ALOX5: variants seen among roughly 807,000 people sequenced by gnomAD.
ALOX5 encodes polyunsaturated fatty acid 5-lipoxygenase.
ALOX5 carries 64 observed loss-of-function variants against 87.9 expected under a neutral mutation model. The observed-to-expected ratio is 0.73, with a 90% CI of 0.60 to 0.90. ALOX5 has a LOEUF of 0.90. Ranked by LOEUF, ALOX5 falls within the 40% of genes least tolerant of loss-of-function variation. The pLI is 0.00. For missense variants in ALOX5, 822 were observed against 907.5 expected, an observed-to-expected ratio of 0.91 and a Z score of 1.21; for synonymous variants, 388 against 355.1, an observed-to-expected ratio of 1.09 and a Z score of -1.04.
intron 1 of ALOX5, among the ~76,000 whole-genome samples, chr10:45,380,606 G>T (rs149745800): frequency 3.3e-5 from 5 of 152,314 alleles, no homozygotes; most frequent in African/African-American, 1.2e-4. Flanking sequence ...AGGTTCTGCC[G>T]CCAGGGATAA....
intron 10 of ALOX5, 92 bp downstream of exon 10, chr10:45,443,308 G>A (rs1231878853): frequency 1.9e-6 from 3 of 1,580,548 alleles, no homozygotes; most frequent in Non-Finnish European, 1.7e-6. Flanking sequence ...CGCTAGCGCT[G>A]AATGGGGACG....
chr10:45,442,678 C>T (rs1168688451), intron 9 of ALOX5: 3 of 239,984 alleles, frequency 1.3e-5, no homozygotes, highest in Non-Finnish European at 2.4e-5. Context: ...GACTGAGGGT[C>T]GTGTGCTCAG....
At chr10:45,406,267 C>T (rs12263894) in intron 3 of ALOX5, among the ~76,000 whole-genome samples, 1 of 152,028 alleles carries the variant, frequency 6.6e-6, no homozygotes, top group African/African-American at 2.4e-5. Context: ...TAAGTGTTGG[C>T]GAGTTTTGTA....
At chr10:45,393,683 A>G (rs1269652488) in intron 2 of ALOX5, among the ~76,000 whole-genome samples, 1 of 152,234 alleles carries the variant, frequency 6.6e-6, no homozygotes, top group East Asian at 1.9e-4. Context: ...TCCAGATGAC[A>G]TGATTGTATA....
At position 45,444,172 on chromosome 10, in the gene ALOX5, G is replaced by T. The variant is rs1421604807; in HGVS notation, c.1731G>T (p.Pro577=). The T allele has an allele frequency of 2.6e-6, 4 of 1,556,610 alleles. No homozygotes were observed. The highest frequency in any genetic ancestry group is 3.5e-6 in the Non-Finnish European group (4 of 1,150,312). ...CCCCAACCATGCGAGCCCCGCCACC[G>T]ACTGCCAAGGGCGTGGTGACCATTG... is the stretch of plus-strand genomic sequence containing the variant. The part of the protein sequence containing the change: ...NAPPTMRAPP[P]TAKGVVTIEQ... The change falls in exon 13 of 14, where the codon CCG becomes CCT. Residue 577 remains proline, a synonymous_variant. Coordinates refer to ENST00000374391, the MANE Select transcript of ALOX5 (RefSeq NM_000698.5).
rs758121727 is a variant in ALOX5, at chr10:45,441,336, C to T, written c.1186-8C>T. 8 of 1,613,164 alleles carry T rather than the reference C, an allele frequency of 5.0e-6. No individual in the cohort carries two copies. The East Asian group carries it at 6.7e-5, about 13-fold the overall frequency. On this transcript the variant is annotated splice_region_variant and splice_polypyrimidine_tract_variant and intron_variant, in intron 8 of 13. Coordinates refer to ENST00000374391, the MANE Select transcript of ALOX5 (RefSeq NM_000698.5). ...CCCCTCTGAGGCCTCCTCCTCTCCC[C>T]TCCCCAGCTGCTGGTGGCACACGTG...
chr10:45,413,292 G>T (rs934131234), intron 4 of ALOX5, among the ~76,000 whole-genome samples: 17 of 152,096 alleles, frequency 1.1e-4, no homozygotes, highest in Non-Finnish European at 1.9e-4. Context: ...TTCAACATAC[G>T]CAAATCAATA....
Position 45,445,552 on chromosome 10 carries a change from T to C in ALOX5, c.1890T>C (p.Pro630=). ...CAGAAGAGCATTTTATCGAGAAGCCTGTGAAGGAAGCCATGGCCCGATTCC... is the reference window on the plus strand; with the variant it reads ...CAGAAGAGCATTTTATCGAGAAGCCCGTGAAGGAAGCCATGGCCCGATTCC... ...MYPEEHFIEK[P]VKEAMARFRK... is the part of the protein sequence containing the mutation. The change falls in exon 14 of 14, where the codon CCT becomes CCC. Residue 630 remains proline (P), a synonymous_variant. Transcript: ENST00000374391. 6.2e-7 allele frequency: 1 copy of C among 1,614,104 alleles called. No individual in the cohort carries two copies. Among genetic ancestry groups the C allele is most frequent in the Non-Finnish European group, 8.5e-7 (1 of 1,180,012 alleles).
intron 2 of ALOX5, among the ~76,000 whole-genome samples, chr10:45,395,512 G>T (rs917233189): frequency 1.3e-5 from 2 of 151,900 alleles, no homozygotes; most frequent in Admixed American, 6.6e-5. Flanking sequence ...TGTAAATGAC[G>T]AGTTAATGGG....
chr10:45,388,923 C>T (rs533242138), intron 2 of ALOX5, among the ~76,000 whole-genome samples: 4 of 151,946 alleles, frequency 2.6e-5, no homozygotes, highest in African/African-American at 9.7e-5. Context: ...GAACCCATCG[C>T]AAAAAAAGCT....
chr10:45,399,291 G>T (rs561915184), intron 3 of ALOX5, among the ~76,000 whole-genome samples: 1 of 152,298 alleles, frequency 6.6e-6, no homozygotes, highest in Non-Finnish European at 1.5e-5. Context: ...CTAGGGGCAG[G>T]GAATGAGGAA....
rs201348617 is a variant in ALOX5, at chr10:45,395,837, G to T, written c.350-18G>T. On this transcript the variant is annotated intron_variant, in intron 2 of 13. Transcript: ENST00000374391. Reference sequence around the variant, plus strand: ...TTGTTCTTCCTCAGGCTCCTCTCATGTTGTTCTTTCTTTACAGCAAAGTTG... The same window carrying T: ...TTGTTCTTCCTCAGGCTCCTCTCATTTTGTTCTTTCTTTACAGCAAAGTTG... The T allele has an allele frequency of 1.2e-6, 2 of 1,612,408 alleles. No homozygotes were observed. The highest frequency in any genetic ancestry group is 1.7e-6 in the Non-Finnish European group (2 of 1,178,504).
intron 4 of ALOX5, among the ~76,000 whole-genome samples, chr10:45,413,156 C>T (rs1449781729): frequency 6.6e-6 from 1 of 152,138 alleles, no homozygotes; most frequent in African/African-American, 2.4e-5. Context: ...GAATTTTAGA[C>T]CAATATCCCT....
intron 11 of ALOX5, 44 bp from the exon 12 acceptor site, chr10:45,443,684 G>A: frequency 1.3e-6 from 2 of 1,597,400 alleles, no homozygotes; most frequent in South Asian, 2.2e-5. Flanking sequence ...GGGCCCTGGG[G>A]TCCTCAGGGA....
intron 3 of ALOX5, among the ~76,000 whole-genome samples, chr10:45,404,142 C>T (rs1036616660): frequency 2.6e-5 from 4 of 152,118 alleles, no homozygotes; most frequent in Admixed American, 6.5e-5. Context: ...GAGATCGTTT[C>T]CCCCTTTCTT....
chr10:45,386,503 T>C (rs1840013030), intron 2 of ALOX5, among the ~76,000 whole-genome samples: 1 of 151,350 alleles, frequency 6.6e-6, no homozygotes, highest in African/African-American at 2.4e-5. Flanking sequence ...CAAAATAAAA[T>C]ACAAAGACTC....
intron 7 of ALOX5, among the ~76,000 whole-genome samples, chr10:45,436,368 A>G (rs973697524): frequency 6.6e-6 from 1 of 152,138 alleles, no homozygotes; most frequent in African/African-American, 2.4e-5. Flanking sequence ...TTCTTCTAGA[A>G]TGTTTAAAGT....
chr10:45,441,215 A>G (rs1392900448), intron 8 of ALOX5, 129 bp from the exon 9 acceptor site: 5 of 745,736 alleles, frequency 6.7e-6, no homozygotes, highest in Non-Finnish European at 1.2e-5. Flanking sequence ...ATCAGCACCC[A>G]GCCTTCACTT....
chr10:45,437,042 T>C (rs1043669162), intron 7 of ALOX5, among the ~76,000 whole-genome samples: 4 of 152,206 alleles, frequency 2.6e-5, no homozygotes, highest in African/African-American at 9.6e-5. Context: ...CTGAACATTG[T>C]TGGTGCATAG....
Sources: gnomAD v4.1 joint callset for allele counts (sites outside exome capture counted in the v4.1 genomes callset) on GRCh38, gnomAD v4.1.1 for gene constraint, MANE v1.5 for transcripts, NCBI Gene and HGNC (gene_info 2026-07-23, HGNC 2026-07-21) for gene names.